Variants in DLGAP1 observed in about 807,000 individuals in gnomAD.
DLGAP1 encodes DLG associated protein 1.
DLGAP1 carries 11 observed loss-of-function variants against 90.8 expected under a neutral mutation model. That is an observed-to-expected ratio of 0.12 (90% CI 0.08 to 0.20). DLGAP1 has a LOEUF of 0.20. Among genes scored for constraint, DLGAP1 ranks in the 10% least tolerant of loss-of-function variants. The pLI, the probability that DLGAP1 is intolerant of heterozygous loss-of-function variation, is 1.00. For missense variants in DLGAP1, 1,050 were observed against 1,333.8 expected (o/e 0.79, Z 3.31); for synonymous variants, 558 against 540.7 (o/e 1.03, Z -0.44).
intron 1 of DLGAP1, among the ~76,000 whole-genome samples, chr18:4,340,853 C>T (rs1255773867): frequency 6.6e-6 from 1 of 152,092 alleles, no homozygotes; most frequent in Non-Finnish European, 1.5e-5. Context: ...GGTTTGGACA[C>T]ACCTAAGCAG....
intron 2 of DLGAP1, among the ~76,000 whole-genome samples, chr18:4,083,881 A>T (rs761303855): frequency 1.3e-5 from 2 of 152,136 alleles, no homozygotes; most frequent in African/African-American, 2.4e-5. Flanking sequence ...CAGGTGGCTT[A>T]TGTTAATTAG....
At chr18:3,853,977 C>T (rs1191785017) in intron 4 of DLGAP1, among the ~76,000 whole-genome samples, 2 of 151,628 alleles carry the variant, frequency 1.3e-5, no homozygotes, top group African/African-American at 4.8e-5. Context: ...TTAATATTAT[C>T]AGTCTTTCCA....
intron 8 of DLGAP1, among the ~76,000 whole-genome samples, 162 bp downstream of exon 8, chr18:3,581,709 ACATT>A (rs1157423781): frequency 6.6e-6 from 1 of 151,976 alleles, no homozygotes; most frequent in Non-Finnish European, 1.5e-5. Context: ...AATCTTGGTC[ACATT>A]TAACAGTATA....
chr18:4,055,703 G>C (rs1438225043), intron 2 of DLGAP1, among the ~76,000 whole-genome samples: 1 of 152,102 alleles, frequency 6.6e-6, no homozygotes, highest in Non-Finnish European at 1.5e-5. Flanking sequence ...TGTACCCTGG[G>C]AGCGACCTGG....
chr18:3,651,081 C>T (rs1049142941), intron 7 of DLGAP1, among the ~76,000 whole-genome samples: 1 of 148,714 alleles, frequency 6.7e-6, no homozygotes, highest in Non-Finnish European at 1.5e-5. Context: ...ACAAAGTTGG[C>T]TGGGCACGGT....
intron 2 of DLGAP1, among the ~76,000 whole-genome samples, chr18:4,094,575 T>C (rs1187887187): frequency 6.6e-6 from 1 of 151,434 alleles, no homozygotes; most frequent in Non-Finnish European, 1.5e-5. Context: ...TTTTTATATA[T>C]TTTATCTTCC....
At position 3,534,558 on chromosome 18, in the gene DLGAP1, G is replaced by T. The variant is rs1439281936; in HGVS notation, c.2115C>A (p.Asp705Glu). The T allele has an allele frequency of 1.1e-5, 18 of 1,613,032 alleles. No homozygotes were observed. Among genetic ancestry groups the T allele is most frequent in the Non-Finnish European group, 1.5e-5 (18 of 1,179,460 alleles). Residue 705 changes from aspartate to glutamate, a missense_variant, in exon 10 of 13, where the codon GAC (aspartate) becomes GAA (glutamate). Asp to Glu is a conservative substitution (Grantham distance 45). Coordinates refer to ENST00000315677, the MANE Select transcript of DLGAP1 (RefSeq NM_004746.4). Reference protein sequence around the residue: ...SVTTAVQADLDFHDNLENSLE... With the variant: ...SVTTAVQADLEFHDNLENSLE... Reference sequence around the variant, plus strand: ...GAGAATTTTCCAGATTATCATGGAAGTCCAGGTCGGCCTGTACTGCTGTCG... The same window carrying T: ...GAGAATTTTCCAGATTATCATGGAATTCCAGGTCGGCCTGTACTGCTGTCG...
intron 11 of DLGAP1, among the ~76,000 whole-genome samples, chr18:3,506,002 C>T (rs567291600): frequency 2.6e-5 from 4 of 152,150 alleles, no homozygotes; most frequent in African/African-American, 4.8e-5. Flanking sequence ...TTTGGGAGGC[C>T]GAGGAGGGTG....
chr18:4,356,291 G>GGTATAGGTAACTAT (rs1567857560), intron 1 of DLGAP1, among the ~76,000 whole-genome samples: 1 of 151,798 alleles, frequency 6.6e-6, no homozygotes, highest in Non-Finnish European at 1.5e-5. Context: ...CCTATACACT[G>GGTATAGGTAACTAT]ACAACTCCCT....
chr18:3,608,793 G>A (rs1038979485), intron 7 of DLGAP1, among the ~76,000 whole-genome samples: 44 of 152,164 alleles, frequency 2.9e-4, no homozygotes, highest in Admixed American at 2.6e-3. Flanking sequence ...GTTACCGTTA[G>A]ATAATAAATT....
chr18:3,707,638 T>G (rs2061476999), intron 7 of DLGAP1, among the ~76,000 whole-genome samples: 1 of 151,722 alleles, frequency 6.6e-6, no homozygotes, highest in Non-Finnish European at 1.5e-5. Flanking sequence ...AGACCCTAGA[T>G]TATCTTGTGC....
intron 1 of DLGAP1, among the ~76,000 whole-genome samples, chr18:4,324,156 A>G (rs1186564737): frequency 6.6e-6 from 1 of 152,038 alleles, no homozygotes; most frequent in Non-Finnish European, 1.5e-5. Context: ...AGATCCAAGT[A>G]AACACAATTA....
chr18:3,563,369 T>C (rs973505667), intron 9 of DLGAP1, among the ~76,000 whole-genome samples: 5 of 152,310 alleles, frequency 3.3e-5, no homozygotes, highest in African/African-American at 1.2e-4. Flanking sequence ...TTCTGTTCCT[T>C]TCTCCATCCT....
chr18:4,372,010 A>C (rs189509684), intron 1 of DLGAP1, among the ~76,000 whole-genome samples: 68 of 152,366 alleles, frequency 4.5e-4, no homozygotes, highest in African/African-American at 1.6e-3. Context: ...CTTCCTTTAA[A>C]TTACACTACA....
At position 3,953,654 on chromosome 18, in the gene DLGAP1, C is replaced by T. The variant is rs556100485; in HGVS notation, c.-73+51462G>A. ...TAGCGCTGAGATAAACATATAAGTG[C>T]AAGTATATTTTTGATATAATGATTT... On this transcript the variant is annotated intron_variant, in intron 3 of 12. Coordinates refer to ENST00000315677, the MANE Select transcript of DLGAP1 (RefSeq NM_004746.4). Among the ~76,000 whole-genome samples, 15 of 152,174 alleles carry T rather than the reference C, an allele frequency of 9.9e-5. No individual in the cohort carries two copies. The South Asian group carries it at 2.1e-3, about 21-fold the overall frequency.
rs192107540 is a variant in DLGAP1, at chr18:4,186,514, G to A, written c.-266-35227C>T. ...CATATGGCTAACCAGTTATCCCAAC[G>A]CCATTTGTTAAATAAGTAATCTTTT... is the stretch of plus-strand genomic sequence containing the variant. On this transcript the variant is annotated intron_variant, in intron 1 of 12. Coordinates refer to ENST00000315677, the MANE Select transcript of DLGAP1 (RefSeq NM_004746.4). Among the ~76,000 whole-genome samples, 286 of 152,158 alleles carry A rather than the reference G, an allele frequency of 1.9e-3. 1 individual carries two copies. The highest frequency in any genetic ancestry group is 5.6e-3 in the African/African-American group (232 of 41,540).
At chr18:4,203,311 A>C (rs1278192526) in intron 1 of DLGAP1, among the ~76,000 whole-genome samples, 1 of 152,078 alleles carries the variant, frequency 6.6e-6, no homozygotes, top group Non-Finnish European at 1.5e-5. Flanking sequence ...TGTTATTTTA[A>C]AGCATAAATA....
At chr18:3,600,957 T>G (rs1412642422) in intron 7 of DLGAP1, among the ~76,000 whole-genome samples, 2 of 93,988 alleles carry the variant, frequency 2.1e-5, no homozygotes, top group South Asian at 3.4e-4. Context: ...TATAGATATA[T>G]ATAGATATAT....
chr18:3,508,236 G>A (rs537722097), intron 11 of DLGAP1, among the ~76,000 whole-genome samples: 1 of 152,124 alleles, frequency 6.6e-6, no homozygotes, highest in Non-Finnish European at 1.5e-5. Context: ...TATTATTTTT[G>A]AAATATCAAG....
Sources: gnomAD v4.1 joint callset for allele counts (sites outside exome capture counted in the v4.1 genomes callset) on GRCh38, gnomAD v4.1.1 for gene constraint, MANE v1.5 for transcripts, NCBI Gene and HGNC (gene_info 2026-07-23, HGNC 2026-07-21) for gene names.